The following ARL15 variants were observed in gnomAD, a reference collection of about 807,000 sequenced individuals.
ARL15 encodes ADP-ribosylation factor-like protein 15.
Under a neutral mutation model 25.2 loss-of-function variants are expected in ARL15, and 19 were observed. The ratio of observed to expected loss-of-function variants is 0.75; its 90% CI spans 0.53 to 1.10. ARL15 has a LOEUF of 1.10. Ranked by LOEUF, ARL15 falls within the 50% of genes least tolerant of loss-of-function variation. The probability of loss-of-function intolerance (pLI) is 0.00; values close to 1 mark genes in which losing one functional copy is unlikely to be tolerated. For synonymous variants in ARL15, 94 were observed against 86.8 expected (o/e 1.08, Z -0.46); for missense variants, 220 against 246.0 (o/e 0.89, Z 0.71).
intron 4 of ARL15, among the ~76,000 whole-genome samples, chr5:54,099,066 T>C (rs1190405114): frequency 6.6e-6 from 1 of 152,168 alleles, no homozygotes; most frequent in Non-Finnish European, 1.5e-5. Context: ...TGACATACTA[T>C]AAAAAGGCAG....
chr5:54,266,467 T>C (rs1047895360), intron 1 of ARL15, among the ~76,000 whole-genome samples: 1 of 152,340 alleles, frequency 6.6e-6, no homozygotes, highest in Middle Eastern at 3.4e-3. Flanking sequence ...AGTATGGGTA[T>C]GTCCCTGCTT....
intron 3 of ARL15, 133 bp from the exon 4 acceptor site, chr5:54,113,543 A>C: frequency 1.2e-6 from 1 of 825,512 alleles, no homozygotes; most frequent in Non-Finnish European, 1.8e-6. Flanking sequence ...TATGGATTAA[A>C]ACAGGAATTT....
intron 4 of ARL15, among the ~76,000 whole-genome samples, chr5:54,017,618 A>G (rs1749466926): frequency 6.6e-6 from 1 of 151,620 alleles, no homozygotes; most frequent in Non-Finnish European, 1.5e-5. Flanking sequence ...AAACCAAACC[A>G]AAGCAACAAC....
intron 1 of ARL15, among the ~76,000 whole-genome samples, chr5:54,199,041 T>C (rs1007601885): frequency 2.6e-5 from 4 of 151,392 alleles, no homozygotes; most frequent in African/African-American, 9.7e-5. Flanking sequence ...AAACAAGCAA[T>C]GGGGAAAGGA....
At chr5:53,959,951 T>A (rs1468223034) in intron 4 of ARL15, among the ~76,000 whole-genome samples, 1 of 152,040 alleles carries the variant, frequency 6.6e-6, no homozygotes, top group African/African-American at 2.4e-5. Context: ...CACTGCTGCA[T>A]CTGTTGTGCC....
intron 4 of ARL15, among the ~76,000 whole-genome samples, chr5:54,090,512 C>T (rs1311908345): frequency 1.3e-5 from 2 of 151,454 alleles, no homozygotes; most frequent in African/African-American, 4.8e-5. Flanking sequence ...ATGAGGGGCT[C>T]AGAGAATAAT....
At chr5:53,934,464 A>C (rs1042105265) in intron 4 of ARL15, among the ~76,000 whole-genome samples, 3 of 152,176 alleles carry the variant, frequency 2.0e-5, no homozygotes, top group Non-Finnish European at 4.4e-5. Context: ...GGCTACGCAG[A>C]GCTCTTAAAT....
At position 54,113,401 on chromosome 5, in the gene ARL15, T is replaced by C; in HGVS notation, c.263A>G (p.Asn88Ser). Residue 88 changes from asparagine (N) to serine (S), a missense_variant, in exon 4 of 5, where the codon AAC becomes AGC. Physicochemically the swap from Asn to Ser is conservative, Grantham distance 46. Transcript: ENST00000504924. ...LNVKELGGAD[N>S]IRKYWSRYYQ... ...GTAGCGGCTCCAGTATTTCCGGATGTTATCAGCCCCTGTCAAAAACAAAAC... is the reference window on the plus strand; with the variant it reads ...GTAGCGGCTCCAGTATTTCCGGATGCTATCAGCCCCTGTCAAAAACAAAAC... 6.2e-7 allele frequency: 1 copy of C among 1,611,802 alleles called. No homozygotes were observed. Among genetic ancestry groups the C allele is most frequent in the Non-Finnish European group, 8.5e-7 (1 of 1,179,316 alleles).
chr5:53,957,710 G>T (rs1747206070), intron 4 of ARL15, among the ~76,000 whole-genome samples: 1 of 152,112 alleles, frequency 6.6e-6, no homozygotes, highest in Non-Finnish European at 1.5e-5. Context: ...CATAGTCCCA[G>T]CTACTCAGGA....
chr5:53,950,691 AAAGTT>A (rs1746918620), intron 4 of ARL15, among the ~76,000 whole-genome samples: 2 of 152,102 alleles, frequency 1.3e-5, no homozygotes, highest in Admixed American at 1.3e-4. Context: ...TTTTCTCAGC[AAAGTT>A]CATGTAAACC....
chr5:54,165,345 G>T (rs1348580705), intron 2 of ARL15, among the ~76,000 whole-genome samples: 1 of 151,784 alleles, frequency 6.6e-6, no homozygotes, highest in African/African-American at 2.4e-5. Flanking sequence ...TTTCCATCTG[G>T]TATCATTTTT....
intron 2 of ARL15, among the ~76,000 whole-genome samples, chr5:54,162,746 T>A (rs1754444482): frequency 2.0e-5 from 3 of 152,196 alleles, no homozygotes; most frequent in Non-Finnish European, 4.4e-5. Context: ...GTTTTTCAGA[T>A]CTCTAAAACT....
At chr5:53,906,057 T>C (rs1453820000) in intron 4 of ARL15, among the ~76,000 whole-genome samples, 2 of 152,216 alleles carry the variant, frequency 1.3e-5, no homozygotes, top group East Asian at 3.8e-4. Flanking sequence ...TTCTTGCCTG[T>C]TTGACTGTAG....
At chr5:53,939,912 AAACAAC>A (rs149253791) in intron 4 of ARL15, among the ~76,000 whole-genome samples, 30 of 150,590 alleles carry the variant, frequency 2.0e-4, no homozygotes, top group Admixed American at 4.6e-4. Flanking sequence ...TATCCAGAAA[AAACAAC>A]AACAACAACA....
chr5:54,054,249 T>C (rs1750788802), intron 4 of ARL15, among the ~76,000 whole-genome samples: 1 of 152,180 alleles, frequency 6.6e-6, no homozygotes, highest in South Asian at 2.1e-4. Context: ...ATTACACATG[T>C]ATGCATATAT....
chr5:53,934,280 C>T (rs1746287862), intron 4 of ARL15, among the ~76,000 whole-genome samples: 1 of 152,116 alleles, frequency 6.6e-6, no homozygotes, highest in Non-Finnish European at 1.5e-5. Flanking sequence ...AAGATAAATG[C>T]AGAATTCCCG....
intron 4 of ARL15, among the ~76,000 whole-genome samples, chr5:53,977,901 A>G (rs1294208862): frequency 6.9e-6 from 1 of 144,534 alleles, no homozygotes; most frequent in Non-Finnish European, 1.5e-5. Flanking sequence ...GGAGTTTTAT[A>G]AAGTATTTTA....
intron 3 of ARL15, among the ~76,000 whole-genome samples, chr5:54,134,573 T>C (rs994774727): frequency 1.7e-5 from 2 of 114,534 alleles, no homozygotes; most frequent in African/African-American, 6.9e-5. Context: ...ATTAGCTTTT[T>C]TTTTTTTTTT....
chr5:53,948,156 C>T (rs1044427909), intron 4 of ARL15, among the ~76,000 whole-genome samples: 6 of 152,148 alleles, frequency 3.9e-5, no homozygotes, highest in African/African-American at 9.6e-5. Flanking sequence ...GAGATAATGA[C>T]AGTGAATACG....
Sources: gnomAD v4.1 joint callset for allele counts (sites outside exome capture counted in the v4.1 genomes callset) on GRCh38, gnomAD v4.1.1 for gene constraint, MANE v1.5 for transcripts, NCBI Gene and HGNC (gene_info 2026-07-23, HGNC 2026-07-21) for gene names.